Variants in TAB3 observed in about 807,000 individuals in gnomAD.
TAB3 encodes TGF-beta activated kinase 1 (MAP3K7) binding protein 3, also known as TGF-beta-activated kinase 1 and MAP3K7-binding protein 3.
A neutral mutation model predicts 48.1 loss-of-function variants in TAB3; 18 were observed. That is an observed-to-expected ratio of 0.37 (90% CI 0.26 to 0.55). The LOEUF is 0.55. TAB3 is among the 20% of genes least tolerant of loss of function. The pLI is 0.78. For missense variants in TAB3, 414 were observed against 549.8 expected (o/e 0.75, Z 2.47); for synonymous variants, 185 against 190.2 (o/e 0.97, Z 0.22).
intron 7 of TAB3, among the ~76,000 whole-genome samples, chrX:30,851,206 A>C (rs1938836045): frequency 8.9e-6 from 1 of 112,168 alleles, no homozygotes; most frequent in African/African-American, 3.2e-5. Context: ...TATTACAAAA[A>C]AGTCACTAAA....
At chrX:30,866,656 A>G (rs1939415579) in intron 4 of TAB3, among the ~76,000 whole-genome samples, 2 of 110,275 alleles carry the variant, frequency 1.8e-5, no homozygotes, top group South Asian at 7.8e-4. Flanking sequence ...AACGTATAAA[A>G]TAAATAGCCA....
chrX:30,859,416 TACATCAC>T, intron 5 of TAB3, 64 bp downstream of exon 5: 2 of 724,728 alleles, frequency 2.8e-6, no homozygotes. Flanking sequence ...GGGTTCTAAT[TACATCAC>T]ACATCACCAG....
At chrX:30,880,661 T>G in intron 1 of TAB3, among the ~76,000 whole-genome samples, 1 of 111,031 alleles carries the variant, frequency 9.0e-6, no homozygotes, top group Non-Finnish European at 1.9e-5. Flanking sequence ...CAGCATATAG[T>G]AAAAAACTCC....
rs970001672 is a variant in TAB3 at position 30,873,587 on chromosome X, T to C, written c.-382-1786A>G. 9.7e-4 allele frequency among the ~76,000 whole-genome samples: 107 copies of C among 110,293 alleles called. 1 individual carries two copies. Among genetic ancestry groups the C allele is most frequent in the Non-Finnish European group, 1.8e-3 (93 of 52,772 alleles). On this transcript the variant is annotated intron_variant, in intron 1 of 10. Transcript: ENST00000288422. ...GCCTCTCCTTCCACCTCCTCCCCTT[T>C]TTCTGCCTCTGCCATGCCTGAGACA... is the stretch of plus-strand genomic sequence containing the variant.
intron 1 of TAB3, among the ~76,000 whole-genome samples, chrX:30,881,120 A>G (rs910530997): frequency 9.0e-6 from 1 of 111,669 alleles, no homozygotes; most frequent in African/African-American, 3.2e-5. Context: ...GTTGCATAAA[A>G]GAAGTCAGAG....
intron 9 of TAB3, among the ~76,000 whole-genome samples, chrX:30,837,040 T>C (rs1938248830): frequency 1.4e-5 from 1 of 72,337 alleles, no homozygotes; most frequent in Non-Finnish European, 2.4e-5. Flanking sequence ...CAAAATGACA[T>C]CTTTTTTTTT....
intron 10 of TAB3, among the ~76,000 whole-genome samples, chrX:30,833,108 C>T (rs1358213477): frequency 3.7e-5 from 4 of 108,426 alleles, no homozygotes; most frequent in African/African-American, 1.4e-4. Flanking sequence ...GTAGCTGGGA[C>T]TACAGGCGCC....
intron 8 of TAB3, chrX:30,843,255 G>A (rs1211194442): frequency 2.1e-5 from 7 of 338,131 alleles, no homozygotes; most frequent in Non-Finnish European, 3.0e-5. Flanking sequence ...CTACACAGAT[G>A]TATGTCTACA....
At chrX:30,831,600 G>C (rs746968206) in intron 10 of TAB3, 25 bp from the exon 11 acceptor site, 1 of 1,196,123 alleles carries the variant, frequency 8.4e-7, no homozygotes, top group Non-Finnish European at 1.1e-6. Flanking sequence ...GATTAAGGGG[G>C]AGGGGGAAGG....
chrX:30,874,853 C>T lies in TAB3; in HGVS notation c.-382-3052G>A, dbSNP rs1407050040. On this transcript the variant is annotated intron_variant, in intron 1 of 10. Coordinates refer to ENST00000288422, the MANE Select transcript of TAB3 (RefSeq NM_152787.5). The stretch of plus-strand genomic sequence containing the variant: ...AGGAAGCCCTGAGTGCCAAGAAAGA[C>T]GGTAAATGAACTGGAAAGCAAAGAC... Among the ~76,000 whole-genome samples the T allele has an allele frequency of 1.8e-5, 2 of 112,005 alleles. 1 individual carries two copies. Among genetic ancestry groups the T allele is most frequent in the South Asian group, 7.5e-4 (2 of 2,678 alleles).
intron 5 of TAB3, 80 bp downstream of exon 5, chrX:30,859,407 G>C: frequency 1.8e-6 from 1 of 563,289 alleles, no homozygotes; most frequent in Non-Finnish European, 2.7e-6. Context: ...AACATACCTG[G>C]GTTCTAATTA....
intron 9 of TAB3, among the ~76,000 whole-genome samples, chrX:30,840,616 A>C (rs1237666380): frequency 1.8e-5 from 2 of 111,152 alleles, no homozygotes; most frequent in Admixed American, 9.6e-5. Flanking sequence ...AGTAAGTCTC[A>C]CGAGATCTGA....
intron 8 of TAB3, chrX:30,844,751 T>C (rs765656042): frequency 8.9e-6 from 1 of 112,666 alleles, no homozygotes; most frequent in South Asian, 3.7e-4. Flanking sequence ...AATTCTCACA[T>C]TCAAATTTGC....
Position 30,859,673 on chromosome X carries a change from C to A in TAB3, c.-85G>T. On this transcript the variant is annotated 5_prime_UTR_variant, in exon 5 of 11. It removes an upstream start codon present in the reference 5' UTR. Transcript: ENST00000288422. ...AGTAATGATCTTCTAGCACCACAGT[C>A]ATTTTCTATTTAAAAAAAAAAAAAA... is the stretch of plus-strand genomic sequence containing the variant. 7 of 538,970 alleles carry A rather than the reference C, an allele frequency of 1.3e-5. No individual in the cohort carries two copies. The highest frequency in any genetic ancestry group is 2.1e-5 in the Non-Finnish European group (7 of 337,838). 44.4% of individuals were successfully genotyped at this position (538,970 alleles called of 1,213,427 possible).
intron 9 of TAB3, among the ~76,000 whole-genome samples, chrX:30,837,400 T>C (rs1047391556): frequency 1.2e-4 from 13 of 111,288 alleles, no homozygotes; most frequent in African/African-American, 3.9e-4. Context: ...AAAACCACAA[T>C]CTGACTATAC....
intron 1 of TAB3, among the ~76,000 whole-genome samples, chrX:30,880,812 A>C (rs1022470503): frequency 8.9e-6 from 1 of 111,953 alleles, no homozygotes; most frequent in Admixed American, 9.5e-5. Flanking sequence ...GATTTAGAGA[A>C]TATCAAGTTT....
intron 1 of TAB3, among the ~76,000 whole-genome samples, chrX:30,874,936 T>C (rs1395306211): frequency 8.9e-6 from 1 of 111,946 alleles, no homozygotes; most frequent in Non-Finnish European, 1.9e-5. Flanking sequence ...AAAGGGACTG[T>C]ATGTGTAGGG....
chrX:30,877,872 C>CAAT (rs1392247884), intron 1 of TAB3, among the ~76,000 whole-genome samples: 4 of 111,481 alleles, frequency 3.6e-5, no homozygotes, highest in African/African-American at 6.5e-5. Context: ...CTTTCAAGAG[C>CAAT]CCCATCTAAA....
At chrX:30,887,588 C>G (rs907443832) in intron 1 of TAB3, among the ~76,000 whole-genome samples, 32 of 112,699 alleles carry the variant, frequency 2.8e-4, no homozygotes, top group Non-Finnish European at 1.7e-4. Context: ...GCTATATAAT[C>G]TCCTCAGCGA....
Sources: allele counts gnomAD v4.1 joint callset (sites outside exome capture counted in the v4.1 genomes callset), GRCh38; gene constraint gnomAD v4.1.1; transcripts MANE v1.5; gene names NCBI Gene and HGNC (gene_info 2026-07-23, HGNC 2026-07-21).